Variants in RXRG observed in about 807,000 individuals in gnomAD.
The protein encoded by RXRG is retinoic acid receptor RXR-gamma.
In RXRG, 19 loss-of-function variants were observed where a neutral mutation model predicts 49.2. That is an observed-to-expected ratio of 0.39 (90% CI 0.27 to 0.57). RXRG has a LOEUF of 0.57. Ranked by LOEUF, RXRG falls within the 20% of genes least tolerant of loss-of-function variation. The pLI, the probability that RXRG is intolerant of heterozygous loss-of-function variation, is 0.64. For missense variants in RXRG, 452 were observed against 592.5 expected (o/e 0.76, Z 2.46); for synonymous variants, 224 against 216.6 (o/e 1.03, Z -0.30).
chr1:165,427,167 G>A (rs530601160), intron 2 of RXRG, among the ~76,000 whole-genome samples: 1 of 152,326 alleles, frequency 6.6e-6, no homozygotes, highest in African/African-American at 2.4e-5. Flanking sequence ...CTATGGCCCA[G>A]TCAAGTTGAC....
intron 2 of RXRG, among the ~76,000 whole-genome samples, chr1:165,421,053 C>T (rs979223866): frequency 2.0e-5 from 3 of 152,132 alleles, no homozygotes; most frequent in African/African-American, 7.2e-5. Flanking sequence ...GTATGATTTT[C>T]CTCTCTATTC....
intron 4 of RXRG, among the ~76,000 whole-genome samples, chr1:165,414,750 C>T (rs1201883383): frequency 1.3e-5 from 2 of 152,138 alleles, no homozygotes; most frequent in African/African-American, 4.8e-5. Flanking sequence ...TGTTCTTCAC[C>T]AGCAGGTATT....
At position 165,408,324 on chromosome 1, in the gene RXRG, A is replaced by G. The variant is rs199920374; in HGVS notation, c.1047-6T>C. The G allele has an allele frequency of 6.3e-6, 10 of 1,593,152 alleles. No homozygotes were observed. The highest frequency in any genetic ancestry group is 1.7e-5 in the Admixed American group (1 of 59,974). On this transcript the variant is annotated splice_polypyrimidine_tract_variant and splice_region_variant and intron_variant, in intron 7 of 9. Coordinates refer to ENST00000359842, the MANE Select transcript of RXRG (RefSeq NM_006917.5). ...AAACCAGCTCAGTTAGGACTCTGTTAACAGGAAACAAGCAGGTAATGAGAA... is the reference window on the plus strand; with the variant it reads ...AAACCAGCTCAGTTAGGACTCTGTTGACAGGAAACAAGCAGGTAATGAGAA...
rs1288916540 is a variant in RXRG at position 165,408,186 on chromosome 1, G to A, written c.1138+41C>T. 2.1e-6 allele frequency: 3 copies of A among 1,455,030 alleles called. No homozygotes were observed. The South Asian group carries it at 3.4e-5, about 17-fold the overall frequency. 90.1% of individuals were successfully genotyped at this position (1,455,030 alleles called of 1,614,324 possible). ...AGCACTGGAGGTTGACCGTGGAAGA[G>A]GGCTGAACACACACATCCCCTGGGG... On this transcript the variant is annotated intron_variant, in intron 8 of 9. Coordinates refer to ENST00000359842, the MANE Select transcript of RXRG (RefSeq NM_006917.5).
At chr1:165,409,537 C>T (rs1657871296) in intron 7 of RXRG, 21 bp downstream of exon 7, 3 of 1,441,896 alleles carry the variant, frequency 2.1e-6, no homozygotes, top group South Asian at 1.7e-5. Context: ...CACACAAATA[C>T]TGGAAGCAGG....
chr1:165,438,118 C>T (rs1019049396), intron 1 of RXRG, among the ~76,000 whole-genome samples: 2 of 152,078 alleles, frequency 1.3e-5, no homozygotes, highest in Non-Finnish European at 2.9e-5. Flanking sequence ...CAGGAGGGGC[C>T]CCTCTATCTG....
Position 165,408,266 on chromosome 1 carries a change from C to T in RXRG, c.1099G>A (p.Glu367Lys), listed in dbSNP as rs1436516751. The change falls in exon 8 of 10, where the codon GAA becomes AAA. Residue 367 changes from glutamate to lysine, a missense_variant. Glu to Lys is a moderately conservative substitution (Grantham distance 56, BLOSUM62 1). Around this residue, in one of 2 missense-constraint regions of RXRG, gnomAD observed 286 missense variants for 440.9 expected, o/e 0.65. Transcript: ENST00000359842. ...ACAATGGCTCGCAGGCATCCCAGTT[C>T]CGACTTGTCCATCTGCATGTCTTTC... ...KMKDMQMDKS[E>K]LGCLRAIVLF... The T allele has an allele frequency of 1.9e-6, 3 of 1,613,996 alleles. No homozygotes were observed. Among genetic ancestry groups the T allele is most frequent in the Non-Finnish European group, 2.5e-6 (3 of 1,179,998 alleles).
At chr1:165,424,609 T>C (rs1174102051) in intron 2 of RXRG, 1 of 182,054 alleles carries the variant, frequency 5.5e-6, no homozygotes, top group Non-Finnish European at 1.0e-5. Flanking sequence ...CCGATCTCTT[T>C]ACTCCTCAAG....
intron 3 of RXRG, 146 bp from the exon 4 acceptor site, chr1:165,417,366 T>A: frequency 1.5e-6 from 1 of 658,606 alleles, no homozygotes. Context: ...TAGCAGAGAA[T>A]GCAGGCTTGA....
At chr1:165,430,086 G>A (rs944047909) in intron 1 of RXRG, among the ~76,000 whole-genome samples, 4 of 152,184 alleles carry the variant, frequency 2.6e-5, no homozygotes, top group African/African-American at 9.7e-5. Context: ...GCTGCACGCA[G>A]CACATCCATG....
At chr1:165,411,640 C>G (rs939156179) in intron 4 of RXRG, among the ~76,000 whole-genome samples, 1 of 152,164 alleles carries the variant, frequency 6.6e-6, no homozygotes, top group Non-Finnish European at 1.5e-5. Context: ...AGGGAGCCAG[C>G]TGTGGGTATT....
At chr1:165,421,466 C>A (rs1031258544) in intron 2 of RXRG, among the ~76,000 whole-genome samples, 3 of 151,760 alleles carry the variant, frequency 2.0e-5, no homozygotes, top group African/African-American at 7.3e-5. Flanking sequence ...AAAACATGGA[C>A]CTCATCCATG....
intron 4 of RXRG, among the ~76,000 whole-genome samples, chr1:165,412,185 T>G (rs1051784896): frequency 6.6e-6 from 1 of 152,116 alleles, no homozygotes. Flanking sequence ...GAACATCTAG[T>G]TTGTCATGCG....
intron 9 of RXRG, 73 bp downstream of exon 9, chr1:165,406,739 A>T (rs1571263822): frequency 3.7e-6 from 4 of 1,068,480 alleles, no homozygotes; most frequent in Non-Finnish European, 5.8e-6. Flanking sequence ...TGCCTGCTGC[A>T]CTTTAGGGGC....
At chr1:165,431,992 G>A (rs1325639033) in intron 1 of RXRG, among the ~76,000 whole-genome samples, 1 of 152,124 alleles carries the variant, frequency 6.6e-6, no homozygotes, top group Non-Finnish European at 1.5e-5. Flanking sequence ...TCTAAGTACA[G>A]AGGATATATA....
At chr1:165,407,918 C>A (rs1259040337) in intron 8 of RXRG, among the ~76,000 whole-genome samples, 2 of 152,032 alleles carry the variant, frequency 1.3e-5, no homozygotes, top group African/African-American at 4.8e-5. Flanking sequence ...TATATTCAAT[C>A]CATCAGCAAA....
At position 165,406,931 on chromosome 1, in the gene RXRG, C is replaced by A. The variant is rs1459145345; in HGVS notation, c.1139-14G>T. ...GGCCCTTGGCATCTAAAAGACATGACTGAGTTAGCCTTTGATTACACACCC... is the reference window on the plus strand; with the variant it reads ...GGCCCTTGGCATCTAAAAGACATGAATGAGTTAGCCTTTGATTACACACCC... On this transcript the variant is annotated splice_polypyrimidine_tract_variant and intron_variant, in intron 8 of 9. Transcript: ENST00000359842. The A allele has an allele frequency of 1.1e-5, 18 of 1,582,504 alleles. No homozygotes were observed. Among genetic ancestry groups the A allele is most frequent in the Middle Eastern group, 3.4e-4 (2 of 5,926 alleles).
intron 8 of RXRG, among the ~76,000 whole-genome samples, chr1:165,407,853 TA>T (rs35445056): frequency 0.65 from 95,761 of 147,634 alleles, 32,420 homozygotes; most frequent in Non-Finnish European, 0.77. Context: ...AAACAAAACT[TA>T]AAAAAAAAAA....
Position 165,408,243 on chromosome 1 carries a change from A to G in RXRG, c.1122T>C (p.Ile374=). The G allele has an allele frequency of 6.2e-7, 1 of 1,613,960 alleles. No individual in the cohort carries two copies. Among genetic ancestry groups the G allele is most frequent in the Non-Finnish European group, 8.5e-7 (1 of 1,179,876 alleles). ...GGCGGTTACCTGGGTTAAAGAGTAC[A>G]ATGGCTCGCAGGCATCCCAGTTCCG... ...DKSELGCLRA[I]VLFNPDAKGL... is the part of the protein sequence containing the mutation. Residue 374 remains isoleucine, a synonymous_variant, in exon 8 of 10, where the codon ATT becomes ATC. Coordinates refer to ENST00000359842, the MANE Select transcript of RXRG (RefSeq NM_006917.5).
Sources: gnomAD v4.1 joint callset for allele counts (sites outside exome capture counted in the v4.1 genomes callset) on GRCh38, gnomAD v4.1.1 for gene constraint, gnomAD v4.1.1 regional missense constraint, MANE v1.5 for transcripts, NCBI Gene and HGNC (gene_info 2026-07-23, HGNC 2026-07-21) for gene names.